Variants in OCA2 observed in about 807,000 individuals in gnomAD.
The protein encoded by OCA2 is P protein.
Under a neutral mutation model 100.2 loss-of-function variants are expected in OCA2, and 77 were observed. The ratio of observed to expected loss-of-function variants is 0.77; its 90% CI spans 0.64 to 0.93. OCA2 has a LOEUF of 0.93. Ranked by LOEUF, OCA2 falls within the 40% of genes least tolerant of loss-of-function variation. OCA2 has a pLI of 0.00. For synonymous variants in OCA2, 432 were observed against 439.2 expected (o/e 0.98, Z 0.21); for missense variants, 1,062 against 1,089.1 (o/e 0.98, Z 0.35).
At chr15:28,064,345 T>C (rs2141692897) in intron 2 of OCA2, among the ~76,000 whole-genome samples, 2 of 152,176 alleles carry the variant, frequency 1.3e-5, no homozygotes, top group Middle Eastern at 6.8e-3. Context: ...CTTTAAAATG[T>C]TTTCTGGTCC....
chr15:28,082,276 A>C (rs1259726146), intron 1 of OCA2, among the ~76,000 whole-genome samples: 4 of 152,180 alleles, frequency 2.6e-5, no homozygotes, highest in African/African-American at 9.7e-5. Context: ...AAATAAGGGA[A>C]TAAAAGGCTG....
intron 19 of OCA2, among the ~76,000 whole-genome samples, chr15:27,906,734 T>C (rs980415910): frequency 2.1e-5 from 3 of 142,912 alleles, no homozygotes; most frequent in South Asian, 4.7e-4. Flanking sequence ...TAAAAATAAG[T>C]CAATGAAAAA....
intron 19 of OCA2, among the ~76,000 whole-genome samples, chr15:27,922,587 A>G (rs2038896193): frequency 6.6e-6 from 1 of 152,112 alleles, no homozygotes; most frequent in Admixed American, 6.6e-5. Context: ...TTTATAATAG[A>G]TTTGTGTATA....
At chr15:27,829,239 G>T (rs1257560242) in intron 23 of OCA2, among the ~76,000 whole-genome samples, 3 of 151,646 alleles carry the variant, frequency 2.0e-5, no homozygotes. Context: ...CAGACAGCTA[G>T]ATGAGAGATG....
At chr15:27,848,033 T>C (rs1454762732) in intron 22 of OCA2, among the ~76,000 whole-genome samples, 1 of 152,182 alleles carries the variant, frequency 6.6e-6, no homozygotes, top group African/African-American at 2.4e-5. Flanking sequence ...CATCCAGACA[T>C]GACCATGGCC....
At chr15:27,933,215 A>G (rs2039321405) in intron 18 of OCA2, among the ~76,000 whole-genome samples, 1 of 152,222 alleles carries the variant, frequency 6.6e-6, no homozygotes, top group Non-Finnish European at 1.5e-5. Context: ...CTAAAACTAT[A>G]AAACTCCTAA....
chr15:27,807,083 A>T (rs2033885893), intron 23 of OCA2, among the ~76,000 whole-genome samples: 1 of 70,528 alleles, frequency 1.4e-5, no homozygotes, highest in Admixed American at 1.8e-4. Flanking sequence ...TTCTTGACCT[A>T]GTCACCCCCG....
chr15:27,909,135 CAAAG>C (rs1423864492), intron 19 of OCA2, among the ~76,000 whole-genome samples: 3 of 152,108 alleles, frequency 2.0e-5, no homozygotes, highest in Non-Finnish European at 2.9e-5. Flanking sequence ...AACTTACTGT[CAAAG>C]AAAACCACAT....
At chr15:27,811,312 G>C (rs2034067709) in intron 23 of OCA2, among the ~76,000 whole-genome samples, 1 of 152,112 alleles carries the variant, frequency 6.6e-6, no homozygotes, top group Admixed American at 6.6e-5. Flanking sequence ...AGCTAAGCTT[G>C]AGTATGCAAG....
chr15:28,039,662 A>G lies in OCA2; in HGVS notation c.228-7499T>C, dbSNP rs189100373. ...CAATGTGTGAATGTGTTTGGAGATGAGGTCTTTCAGGAAATGATTAAGTTA... is the reference window on the plus strand; with the variant it reads ...CAATGTGTGAATGTGTTTGGAGATGGGGTCTTTCAGGAAATGATTAAGTTA... On this transcript the variant is annotated intron_variant, in intron 2 of 23. Transcript: ENST00000354638. Among the ~76,000 whole-genome samples the G allele has an allele frequency of 4.5e-4, 69 of 152,312 alleles. No individual in the cohort carries two copies. In the East Asian group the frequency reaches 8.7e-3, roughly 19 times the overall value.
chr15:27,997,257 G>C (rs534777455), intron 9 of OCA2, among the ~76,000 whole-genome samples: 1 of 151,834 alleles, frequency 6.6e-6, no homozygotes, highest in African/African-American at 2.4e-5. Context: ...AAGAAAGAAA[G>C]AAAGGGAAAA....
chr15:27,785,939 T>C (rs1449310865), intron 23 of OCA2, among the ~76,000 whole-genome samples: 1 of 152,208 alleles, frequency 6.6e-6, no homozygotes, highest in East Asian at 1.9e-4. Context: ...CCTGCTACAA[T>C]GTGAATGCAC....
intron 19 of OCA2, among the ~76,000 whole-genome samples, chr15:27,920,348 C>T (rs1158167536): frequency 6.6e-6 from 1 of 151,968 alleles, no homozygotes; most frequent in African/African-American, 2.4e-5. Flanking sequence ...ACAAAACTGA[C>T]CTTAAGACAA....
rs1350449185 is a variant in OCA2 at position 27,856,782 on chromosome 15, T to C, written c.2245-5307A>G. Among the ~76,000 whole-genome samples, 3 of 152,074 alleles carry C rather than the reference T, an allele frequency of 2.0e-5. No homozygotes were observed. In the East Asian group the frequency reaches 5.8e-4, roughly 29 times the overall value. ...AGGAAATCTTTGTCAGTCTACTAGT[T>C]GACTATAGAGATAATAGAAGAAAAA... On this transcript the variant is annotated intron_variant, in intron 21 of 23. Coordinates refer to ENST00000354638, the MANE Select transcript of OCA2 (RefSeq NM_000275.3).
In OCA2 at chr15:27,756,734, A is replaced by G. The variant is rs556874265; in HGVS notation, c.2433-1262T>C. Among the ~76,000 whole-genome samples the G allele has an allele frequency of 1.5e-3, 222 of 152,116 alleles. 2 individuals are homozygous for G. Among genetic ancestry groups the G allele is most frequent in the Non-Finnish European group, 2.4e-3 (163 of 67,970 alleles). On this transcript the variant is annotated intron_variant, in intron 23 of 23. Coordinates refer to ENST00000354638, the MANE Select transcript of OCA2 (RefSeq NM_000275.3). The stretch of plus-strand genomic sequence containing the variant: ...AGATTGTGTAGAGTGAGTCAGTGTC[A>G]GGTAAGATGCCGAGAATCTCAATCC...
At chr15:27,819,526 TA>T (rs1456206744) in intron 23 of OCA2, among the ~76,000 whole-genome samples, 4 of 152,134 alleles carry the variant, frequency 2.6e-5, no homozygotes, top group African/African-American at 9.7e-5. Context: ...CTGATATACA[TA>T]GTACTGGAAG....
chr15:27,768,743 C>A (rs976070518), intron 23 of OCA2, among the ~76,000 whole-genome samples: 1 of 152,186 alleles, frequency 6.6e-6, no homozygotes, highest in Non-Finnish European at 1.5e-5. Flanking sequence ...CCAGTGATAA[C>A]CCTGTCTATG....
At chr15:28,009,379 T>C (rs561213464) in intron 9 of OCA2, among the ~76,000 whole-genome samples, 1 of 152,096 alleles carries the variant, frequency 6.6e-6, no homozygotes, top group South Asian at 2.1e-4. Flanking sequence ...ACCATAAACC[T>C]GAGTCATTTA....
At chr15:27,990,709 G>A in intron 9 of OCA2, 62 bp from the exon 10 acceptor site, 1 of 1,410,938 alleles carries the variant, frequency 7.1e-7, no homozygotes, top group Non-Finnish European at 1.0e-6. Context: ...ACACACGAAA[G>A]CCTGTGTGGA....
Sources: allele counts gnomAD v4.1 joint callset (sites outside exome capture counted in the v4.1 genomes callset), GRCh38; gene constraint gnomAD v4.1.1; transcripts MANE v1.5; gene names NCBI Gene and HGNC (gene_info 2026-07-23, HGNC 2026-07-21).